FAM185A: variants seen among roughly 807,000 people sequenced by gnomAD.
FAM185A encodes family with sequence similarity 185 member A, also known as protein FAM185A.
In FAM185A, 21 loss-of-function variants were observed where a neutral mutation model predicts 45.7. The observed-to-expected ratio is 0.46, with a 90% confidence interval of 0.33 to 0.66. FAM185A has a LOEUF of 0.66. Among genes scored for constraint, FAM185A ranks in the 30% least tolerant of loss-of-function variants. FAM185A has a pLI of 0.03. For synonymous variants in FAM185A, 117 were observed against 194.0 expected (o/e 0.60, Z 3.30); for missense variants, 305 against 485.4 (o/e 0.63, Z 3.49).
rs558625628 is a variant in FAM185A, at chr7:102,791,021, A to G, written c.1066+3552A>G. 3.2e-3 allele frequency among the ~76,000 whole-genome samples: 486 copies of G among 152,308 alleles called. 3 individuals are homozygous for G. Among genetic ancestry groups the G allele is most frequent in the African/African-American group, 0.011 (465 of 41,552 alleles). On this transcript the variant is annotated intron_variant, in intron 7 of 7. Coordinates refer to ENST00000413034, the MANE Select transcript of FAM185A (RefSeq NM_001145268.2). ...TGGGATCAATGTTATAAACGTATGT[A>G]CATTGTACTGTGAGAACACAGGGGT...
the FAM185A span, chr7:102,832,750 A>G: frequency 1.4e-6 from 2 of 1,411,286 alleles, no homozygotes; most frequent in Middle Eastern, 1.9e-4. Context: ...CAAAGAGAAC[A>G]TATTCTGAGT....
At chr7:102,782,572 A>G (rs1388126557) in intron 6 of FAM185A, among the ~76,000 whole-genome samples, 1 of 152,204 alleles carries the variant, frequency 6.6e-6, no homozygotes, top group Non-Finnish European at 1.5e-5. Context: ...TGAAGAAGAA[A>G]TAAAATACTT....
At chr7:102,848,534 C>G in the FAM185A span, among the ~76,000 whole-genome samples, 4 of 31,358 alleles carry the variant, frequency 1.3e-4, no homozygotes, top group African/African-American at 8.6e-4. Flanking sequence ...CCAGCCTGGG[C>G]GACAGAGCGA....
intron 6 of FAM185A, among the ~76,000 whole-genome samples, chr7:102,785,996 C>A (rs2129441228): frequency 6.6e-6 from 1 of 152,200 alleles, no homozygotes; most frequent in African/African-American, 2.4e-5. Context: ...AAAAAACAAA[C>A]AGCCCCATCA....
At chr7:102,831,059 CT>C in the FAM185A span, among the ~76,000 whole-genome samples, 1 of 152,136 alleles carries the variant, frequency 6.6e-6, no homozygotes, top group African/African-American at 2.4e-5. Flanking sequence ...GGAACCACCC[CT>C]GTCAGTCATT....
At chr7:102,822,183 C>T in the FAM185A span, 1 of 1,613,974 alleles carries the variant, frequency 6.2e-7, no homozygotes, top group Non-Finnish European at 8.5e-7. Flanking sequence ...CCGATAACAT[C>T]TCCATTGCTG....
At chr7:102,795,039 A>G (rs1796367330) in intron 7 of FAM185A, among the ~76,000 whole-genome samples, 1 of 152,232 alleles carries the variant, frequency 6.6e-6, no homozygotes, top group South Asian at 2.1e-4. Flanking sequence ...ATGACAAGGG[A>G]CTTCCTTTGT....
downstream of FAM185A, among the ~76,000 whole-genome samples, chr7:102,814,146 G>T (rs1410545897): frequency 2.0e-5 from 3 of 152,110 alleles, no homozygotes; most frequent in Non-Finnish European, 4.4e-5. Context: ...AAAAAAGTAG[G>T]TCTAACTTGA....
intron 5 of FAM185A, among the ~76,000 whole-genome samples, chr7:102,776,452 G>A (rs950441742): frequency 1.3e-5 from 2 of 152,098 alleles, no homozygotes; most frequent in African/African-American, 4.8e-5. Flanking sequence ...AGGGAAATTT[G>A]AATGACAAAT....
At chr7:102,785,735 A>G (rs1180463347) in intron 6 of FAM185A, among the ~76,000 whole-genome samples, 1 of 152,184 alleles carries the variant, frequency 6.6e-6, no homozygotes, top group Admixed American at 6.5e-5. Context: ...CCCTAGAAGA[A>G]GACCTAGGCA....
downstream of FAM185A, among the ~76,000 whole-genome samples, chr7:102,809,573 A>G (rs1211000951): frequency 6.6e-6 from 1 of 152,052 alleles, no homozygotes. Context: ...ATGGTGGCTC[A>G]TCCCTGTAAT....
At chr7:102,816,503 A>T in the FAM185A span, among the ~76,000 whole-genome samples, 2,284 of 152,178 alleles carry the variant, frequency 0.015, 58 homozygotes, top group African/African-American at 0.053. Flanking sequence ...GGACTGACTA[A>T]CCTAAGACCC....
chr7:102,812,623 T>A (rs529248079), downstream of FAM185A, among the ~76,000 whole-genome samples: 14 of 152,274 alleles, frequency 9.2e-5, no homozygotes, highest in South Asian at 2.9e-3. Flanking sequence ...GCGTTACAGA[T>A]CCTTAAAGTT....
downstream of FAM185A, among the ~76,000 whole-genome samples, chr7:102,811,856 C>T (rs1797453824): frequency 6.6e-6 from 1 of 152,196 alleles, no homozygotes; most frequent in African/African-American, 2.4e-5. Flanking sequence ...TCCTAGGAAC[C>T]TTTCCACAGC....
chr7:102,832,900 G>T, the FAM185A span: 1 of 1,614,088 alleles, frequency 6.2e-7, no homozygotes, highest in African/African-American at 1.3e-5. Context: ...CCAGTGCTTT[G>T]ATAATCATAT....
intron 2 of FAM185A, chr7:102,755,865 G>T: frequency 3.1e-6 from 2 of 654,456 alleles, no homozygotes; most frequent in Admixed American, 4.5e-5. Flanking sequence ...CAATGTCCTG[G>T]GTCCCAAGTC....
At chr7:102,762,866 G>C (rs1562849061) in intron 4 of FAM185A, among the ~76,000 whole-genome samples, 4 of 141,230 alleles carry the variant, frequency 2.8e-5, no homozygotes. Context: ...TTATTCAGTT[G>C]TACCTTAAGT....
chr7:102,814,836 G>A, the FAM185A span, among the ~76,000 whole-genome samples: 1 of 152,022 alleles, frequency 6.6e-6, no homozygotes, highest in African/African-American at 2.4e-5. Flanking sequence ...TTTTTTTAAG[G>A]TGCTAGCCTG....
At chr7:102,820,418 G>C in the FAM185A span, among the ~76,000 whole-genome samples, 1 of 152,172 alleles carries the variant, frequency 6.6e-6, no homozygotes, top group South Asian at 2.1e-4. Flanking sequence ...TGGGGTTTTG[G>C]GACAAAGCTC....
Sources: allele counts gnomAD v4.1 joint callset (sites outside exome capture counted in the v4.1 genomes callset), GRCh38; gene constraint gnomAD v4.1.1; transcripts MANE v1.5; gene names NCBI Gene and HGNC (gene_info 2026-07-23, HGNC 2026-07-21).